Variants in RAMP1 observed in about 807,000 individuals in gnomAD.
The protein encoded by RAMP1 is receptor activity modifying protein 1.
In RAMP1, 7 loss-of-function variants were observed where a neutral mutation model predicts 8.2. The observed-to-expected ratio is 0.85, with a 90% confidence interval of 0.49 to 1.60. RAMP1 has a LOEUF of 1.60. Ranked by LOEUF, RAMP1 falls within the 40% of genes most tolerant of loss-of-function variation. The pLI, the probability that RAMP1 is intolerant of heterozygous loss-of-function variation, is 0.00. For missense variants in RAMP1, 192 were observed against 202.4 expected (o/e 0.95, Z 0.31); for synonymous variants, 92 against 84.7 (o/e 1.09, Z -0.47).
At chr2:237,890,342 C>T (rs952417148) in intron 2 of RAMP1, among the ~76,000 whole-genome samples, 1 of 152,052 alleles carries the variant, frequency 6.6e-6, no homozygotes. Context: ...GCTGGGACTA[C>T]AGGCACTCAC....
chr2:237,909,556 G>C (rs1481124891), intron 2 of RAMP1, among the ~76,000 whole-genome samples: 1 of 152,160 alleles, frequency 6.6e-6, no homozygotes, highest in Non-Finnish European at 1.5e-5. Flanking sequence ...GAGGTCACAG[G>C]GGGTTGGAGG....
In RAMP1 at chr2:237,862,893, G is replaced by A. The variant is rs1330375517; in HGVS notation, c.52+3166G>A. Among the ~76,000 whole-genome samples the A allele has an allele frequency of 6.6e-6, 1 of 152,200 alleles. No homozygotes were observed. Among genetic ancestry groups the A allele is most frequent in the Non-Finnish European group, 1.5e-5 (1 of 68,030 alleles). Reference sequence around the variant, plus strand: ...CGTCTTTCCTCCAGGCTGGATCTGAGTGGGGCTGCCACAGTCTACCCTGTG... The same window carrying A: ...CGTCTTTCCTCCAGGCTGGATCTGAATGGGGCTGCCACAGTCTACCCTGTG... On this transcript the variant is annotated intron_variant, in intron 1 of 2. Coordinates refer to ENST00000254661, the MANE Select transcript of RAMP1 (RefSeq NM_005855.4). The surrounding 1 kb of genome is among the most constrained non-coding windows in gnomAD (Gnocchi z 4.0).
intron 1 of RAMP1, among the ~76,000 whole-genome samples, chr2:237,871,206 G>T (rs902645754): frequency 6.6e-6 from 1 of 152,234 alleles, no homozygotes. Flanking sequence ...AGAGGGTCTT[G>T]CCAGAGAAAG....
intron 2 of RAMP1, among the ~76,000 whole-genome samples, chr2:237,881,811 T>G (rs959222926): frequency 9.2e-5 from 14 of 152,230 alleles, no homozygotes; most frequent in African/African-American, 2.9e-4. Context: ...TCGTGTACAT[T>G]AGAGATTTTC....
At position 237,865,521 on chromosome 2, in the gene RAMP1, A is replaced by G. The variant is rs1428533340; in HGVS notation, c.52+5794A>G. Among the ~76,000 whole-genome samples, 1 of 152,102 alleles carries G rather than the reference A, an allele frequency of 6.6e-6. No individual in the cohort carries two copies. ...AAACCACCGTTTCTCTGAGATGCAG[A>G]TTTCGCAGGGCCTCCTGTCATTTGC... On this transcript the variant is annotated intron_variant, in intron 1 of 2. Transcript: ENST00000254661. The surrounding 1 kb of genome is among the most constrained non-coding windows in gnomAD (Gnocchi z 4.2).
In RAMP1 at chr2:237,877,426, G is replaced by A. The variant is rs1200208802; in HGVS notation, c.191+64G>A. The A allele has an allele frequency of 1.3e-6, 2 of 1,562,786 alleles. No individual in the cohort carries two copies. The highest frequency in any genetic ancestry group is 3.6e-5 in the Admixed American group (2 of 55,440). ...GGAGGGAGAGGGGGCAAGCGGAGGA[G>A]GAGTGGACCACGTGGGAGCTGTGGA... On this transcript the variant is annotated intron_variant, in intron 2 of 2. Transcript: ENST00000254661. This position sits in a 1 kb window ranked among gnomAD's most constrained non-coding sequence, Gnocchi z 4.4.
chr2:237,879,154 G>A (rs2062339536), intron 2 of RAMP1, among the ~76,000 whole-genome samples: 1 of 152,206 alleles, frequency 6.6e-6, no homozygotes, highest in African/African-American at 2.4e-5. Context: ...AATTAAGATT[G>A]CATTTTATTA....
Position 237,862,153 on chromosome 2 carries a change from T to C in RAMP1, c.52+2426T>C, listed in dbSNP as rs2151000838. Among the ~76,000 whole-genome samples the C allele has an allele frequency of 6.6e-6, 1 of 152,216 alleles. No homozygotes were observed. The highest frequency in any genetic ancestry group is 1.9e-4 in the East Asian group (1 of 5,180). Reference sequence around the variant, plus strand: ...GTTTTTTTAATGGCTGCAACATTAATTGAAATGTATGACTTTATATAAATA... The same window carrying C: ...GTTTTTTTAATGGCTGCAACATTAACTGAAATGTATGACTTTATATAAATA... On this transcript the variant is annotated intron_variant, in intron 1 of 2. Transcript: ENST00000254661. This position sits in a 1 kb window ranked among gnomAD's most constrained non-coding sequence, Gnocchi z 4.0.
At chr2:237,898,818 CGCCAG>C (rs2062569677) in intron 2 of RAMP1, among the ~76,000 whole-genome samples, 2 of 152,288 alleles carry the variant, frequency 1.3e-5, no homozygotes, top group East Asian at 3.9e-4. Flanking sequence ...ACCTGACGCA[CGCCAG>C]GCCAGGCCAC....
intron 2 of RAMP1, among the ~76,000 whole-genome samples, chr2:237,882,242 T>G (rs1233436547): frequency 6.6e-6 from 1 of 152,184 alleles, no homozygotes; most frequent in African/African-American, 2.4e-5. Context: ...TTCCCAAACC[T>G]TCCTCATCTC....
rs372494526 is a variant in RAMP1, at chr2:237,877,322, G to T, written c.151G>T (p.Val51Phe). 1.2e-6 allele frequency: 2 copies of T among 1,613,990 alleles called. No homozygotes were observed. Among genetic ancestry groups the T allele is most frequent in the Non-Finnish European group, 1.7e-6 (2 of 1,180,000 alleles). Residue 51 changes from valine (V) to phenylalanine (F), a missense_variant, in exon 2 of 3, where the codon GTC becomes TTC. Coordinates refer to ENST00000254661, the MANE Select transcript of RAMP1 (RefSeq NM_005855.4). This position sits in a 1 kb window ranked among gnomAD's most constrained non-coding sequence, Gnocchi z 4.4. ...LTQFQVDMEA[V>F]GETLWCDWGR... ...CCAGTTCCAGGTAGACATGGAGGCC[G>T]TCGGGGAGACGCTGTGGTGTGACTG...
At chr2:237,888,499 G>A (rs2062457851) in intron 2 of RAMP1, among the ~76,000 whole-genome samples, 1 of 151,428 alleles carries the variant, frequency 6.6e-6, no homozygotes, top group African/African-American at 2.5e-5. Flanking sequence ...GCAGGTCAAA[G>A]GAGATTTCCT....
intron 1 of RAMP1, among the ~76,000 whole-genome samples, chr2:237,871,463 G>A (rs535206198): frequency 2.6e-4 from 39 of 152,298 alleles, no homozygotes; most frequent in African/African-American, 8.4e-4. Context: ...GATGCTCACC[G>A]GGGACAGAGG....
chr2:237,902,510 C>T (rs941543456), intron 2 of RAMP1, among the ~76,000 whole-genome samples: 2 of 152,054 alleles, frequency 1.3e-5, no homozygotes, highest in Non-Finnish European at 2.9e-5. Flanking sequence ...GGGGTCCTGC[C>T]CCCAGGGCCC....
chr2:237,859,213 T>G (rs978362912), upstream of RAMP1: 2 of 152,264 alleles, frequency 1.3e-5, no homozygotes, highest in African/African-American at 4.8e-5. Flanking sequence ...CGCCTGCACC[T>G]GGGCGGAGAG....
chr2:237,885,760 C>G (rs991686813), intron 2 of RAMP1, among the ~76,000 whole-genome samples: 1 of 152,216 alleles, frequency 6.6e-6, no homozygotes, highest in African/African-American at 2.4e-5. Context: ...GAAGCCAGTT[C>G]TTGTGAGGAA....
chr2:237,863,441 T>C (rs12328025), intron 1 of RAMP1, among the ~76,000 whole-genome samples: 7,870 of 152,242 alleles, frequency 0.052, 672 homozygotes, highest in African/African-American at 0.18. Context: ...ACAGGAGGAC[T>C]CTCAGCTGGG....
intron 1 of RAMP1, among the ~76,000 whole-genome samples, chr2:237,864,341 GCTGTCA>G (rs199727606): frequency 0.052 from 7,971 of 152,268 alleles, 680 homozygotes; most frequent in African/African-American, 0.18. Context: ...AAGGCCTGCC[GCTGTCA>G]GGTACCCTGG....
intron 1 of RAMP1, among the ~76,000 whole-genome samples, chr2:237,870,147 A>G (rs1329181929): frequency 6.6e-6 from 1 of 152,236 alleles, no homozygotes; most frequent in African/African-American, 2.4e-5. Flanking sequence ...TGTCTGTGTC[A>G]TGTCCCGCCA....
Sources: allele counts gnomAD v4.1 joint callset (sites outside exome capture counted in the v4.1 genomes callset), GRCh38; gene constraint gnomAD v4.1.1; non-coding constraint Gnocchi (gnomAD v3.1); transcripts MANE v1.5; gene names NCBI Gene and HGNC (gene_info 2026-07-23, HGNC 2026-07-21).